The following TNFSF4 variants were observed in gnomAD, a reference collection of about 807,000 sequenced individuals.
The protein encoded by TNFSF4 is TNF superfamily member 4, also known as tumor necrosis factor ligand superfamily member 4.
Under a neutral mutation model 7.3 loss-of-function variants are expected in TNFSF4, and 4 were observed. The observed-to-expected ratio is 0.55, with a 90% confidence interval of 0.27 to 1.25. The LOEUF is 1.25. TNFSF4 is among the 50% of genes most tolerant of loss of function. The probability of loss-of-function intolerance (pLI) is 0.12; values close to 1 mark genes in which losing one functional copy is unlikely to be tolerated. For synonymous variants in TNFSF4, 76 were observed against 83.7 expected, an observed-to-expected ratio of 0.91 and a Z score of 0.50; for missense variants, 181 against 208.8, an observed-to-expected ratio of 0.87 and a Z score of 0.82.
chr1:173,444,171 A>G, the TNFSF4 span, among the ~76,000 whole-genome samples: 1 of 152,042 alleles, frequency 6.6e-6, no homozygotes, highest in Non-Finnish European at 1.5e-5. Flanking sequence ...TTTGCATACC[A>G]ACACCCACTC....
chr1:173,242,824 T>C, the TNFSF4 span, among the ~76,000 whole-genome samples: 1 of 151,758 alleles, frequency 6.6e-6, no homozygotes, highest in Non-Finnish European at 1.5e-5. Context: ...ACCAAAGGAG[T>C]GCAGCCCTGC....
the TNFSF4 span, among the ~76,000 whole-genome samples, chr1:173,420,561 G>A: frequency 6.6e-5 from 10 of 151,926 alleles, no homozygotes; most frequent in Non-Finnish European, 2.9e-5. Flanking sequence ...TTCCTGGCCA[G>A]TAGACCCTAC....
the TNFSF4 span, among the ~76,000 whole-genome samples, chr1:173,356,205 A>G: frequency 6.6e-6 from 1 of 152,216 alleles, no homozygotes; most frequent in Non-Finnish European, 1.5e-5. Flanking sequence ...CCAGGACACC[A>G]GACATCTTTG....
chr1:173,379,923 G>C, the TNFSF4 span, among the ~76,000 whole-genome samples: 1 of 152,202 alleles, frequency 6.6e-6, no homozygotes, highest in Non-Finnish European at 1.5e-5. Context: ...GGTTCTCTGG[G>C]CCAGAAGCCC....
chr1:173,435,426 C>A, the TNFSF4 span, among the ~76,000 whole-genome samples: 3 of 152,100 alleles, frequency 2.0e-5, no homozygotes. Flanking sequence ...TAAATGGGAT[C>A]ATAAAGGTAG....
chr1:173,442,074 G>T, the TNFSF4 span: 4 of 152,252 alleles, frequency 2.6e-5, no homozygotes, highest in African/African-American at 9.7e-5. Flanking sequence ...CCAATGTTGT[G>T]CTGGTAATGT....
chr1:173,388,443 C>T, the TNFSF4 span, among the ~76,000 whole-genome samples: 3 of 152,230 alleles, frequency 2.0e-5, no homozygotes, highest in Non-Finnish European at 4.4e-5. Context: ...GTCCAGGGCC[C>T]TCACAGGGTT....
the TNFSF4 span, among the ~76,000 whole-genome samples, chr1:173,243,001 G>GGGCA: frequency 1.2e-5 from 1 of 85,770 alleles, no homozygotes; most frequent in African/African-American, 4.4e-5. Flanking sequence ...AGAAGTTGGT[G>GGGCA]GGTGGGGGGG....
chr1:173,371,539 A>T, the TNFSF4 span, among the ~76,000 whole-genome samples: 2 of 152,168 alleles, frequency 1.3e-5, no homozygotes, highest in East Asian at 3.9e-4. Flanking sequence ...CAAAGGCAAT[A>T]TCCCTTAAGA....
the TNFSF4 span, among the ~76,000 whole-genome samples, chr1:173,380,263 A>G: frequency 6.6e-6 from 1 of 152,160 alleles, no homozygotes; most frequent in African/African-American, 2.4e-5. Flanking sequence ...CATATTAGCC[A>G]AAGTTGGAGC....
chr1:173,191,083 A>G (rs530337634), intron 1 of TNFSF4, among the ~76,000 whole-genome samples: 1 of 152,306 alleles, frequency 6.6e-6, no homozygotes, highest in Non-Finnish European at 1.5e-5. Context: ...GATTATTTTG[A>G]CTGACTTTGC....
the TNFSF4 span, among the ~76,000 whole-genome samples, chr1:173,236,769 T>C: frequency 6.6e-6 from 1 of 152,012 alleles, no homozygotes; most frequent in Non-Finnish European, 1.5e-5. Context: ...TACCCATATG[T>C]GGAAGCTAAA....
At chr1:173,281,632 A>G in the TNFSF4 span, among the ~76,000 whole-genome samples, 2 of 152,142 alleles carry the variant, frequency 1.3e-5, no homozygotes, top group African/African-American at 4.8e-5. Context: ...TTAAGATAAC[A>G]TTTAGATATT....
intron 1 of TNFSF4, chr1:173,205,272 A>G (rs1171517750): frequency 2.4e-5 from 38 of 1,609,234 alleles, no homozygotes; most frequent in Non-Finnish European, 3.1e-5. Flanking sequence ...TCTCTGTGCC[A>G]GGACTATAGA....
the TNFSF4 span, among the ~76,000 whole-genome samples, chr1:173,429,924 G>A: frequency 6.6e-6 from 1 of 152,170 alleles, no homozygotes; most frequent in Non-Finnish European, 1.5e-5. Flanking sequence ...GCTGTCAGCT[G>A]CTGCTTTGTA....
At chr1:173,374,479 C>A in the TNFSF4 span, among the ~76,000 whole-genome samples, 1 of 152,090 alleles carries the variant, frequency 6.6e-6, no homozygotes. Context: ...GAGGAACCTG[C>A]ATGACTGTAA....
the TNFSF4 span, among the ~76,000 whole-genome samples, chr1:173,291,106 G>C: frequency 2.6e-5 from 4 of 152,158 alleles, no homozygotes; most frequent in Non-Finnish European, 5.9e-5. Context: ...AGGATATACA[G>C]GAAGCACAAT....
chr1:173,384,651 C>G, the TNFSF4 span, among the ~76,000 whole-genome samples: 1 of 152,066 alleles, frequency 6.6e-6, no homozygotes, highest in Non-Finnish European at 1.5e-5. Flanking sequence ...GGAAGTGCTA[C>G]TGCAAATTTA....
chr1:173,335,112 T>G, the TNFSF4 span, among the ~76,000 whole-genome samples: 1 of 150,802 alleles, frequency 6.6e-6, no homozygotes, highest in African/African-American at 2.4e-5. Context: ...GCTCAGGGAG[T>G]TAAGAAACTC....
Sources: gnomAD v4.1 joint callset for allele counts (sites outside exome capture counted in the v4.1 genomes callset) on GRCh38, gnomAD v4.1.1 for gene constraint, MANE v1.5 for transcripts, NCBI Gene and HGNC (gene_info 2026-07-23, HGNC 2026-07-21) for gene names.